Variants in PIK3R5 observed in about 807,000 individuals in gnomAD.
The protein encoded by PIK3R5 is phosphoinositide-3-kinase regulatory subunit 5.
PIK3R5 carries 32 observed loss-of-function variants against 94.9 expected under a neutral mutation model. The ratio of observed to expected loss-of-function variants is 0.34; its 90% CI spans 0.25 to 0.45. The LOEUF (loss-of-function observed/expected upper bound fraction) is 0.45. Among genes scored for constraint, PIK3R5 ranks in the 20% least tolerant of loss-of-function variants. The pLI, the probability that PIK3R5 is intolerant of heterozygous loss-of-function variation, is 1.00. For synonymous variants in PIK3R5, 443 were observed against 479.4 expected, an observed-to-expected ratio of 0.92 and a Z score of 0.99; for missense variants, 853 against 1,144.6, an observed-to-expected ratio of 0.75 and a Z score of 3.68.
Position 8,887,539 on chromosome 17 carries a change from A to C in PIK3R5, c.1761T>G (p.Pro587=). The C allele has an allele frequency of 6.2e-7, 1 of 1,607,268 alleles. No homozygotes were observed. The highest frequency in any genetic ancestry group is 8.5e-7 in the Non-Finnish European group (1 of 1,177,182). ...GACATACTCCAGGGCTGGCGTGCCT[A>C]GGGGAGTCTGTCGGGGGTGAGGGCG... ...SQTPSPPTDS[P]RHASPGELGT... is the part of the protein sequence containing the mutation. Residue 587 remains proline, a synonymous_variant, in exon 11 of 19, where the codon CCT becomes CCG. Transcript: ENST00000447110.
chr17:8,885,354 CACCTTCCCATGGCCCT>C, intron 14 of PIK3R5, among the ~76,000 whole-genome samples: 1 of 148,716 alleles, frequency 6.7e-6, no homozygotes, highest in Middle Eastern at 3.8e-3. Flanking sequence ...TGGGTAACTC[CACCTTCCCATGGCCCT>C]GCCTCCCGGT....
At chr17:8,883,623 C>T (rs1230851781) in intron 15 of PIK3R5, among the ~76,000 whole-genome samples, 2 of 152,210 alleles carry the variant, frequency 1.3e-5, no homozygotes, top group Non-Finnish European at 2.9e-5. Flanking sequence ...GTTTTCCCTC[C>T]AATATTAACT....
chr17:8,946,013 G>C lies in PIK3R5; in HGVS notation c.-14+19583C>G, dbSNP rs570687457. Among the ~76,000 whole-genome samples, 5 of 152,284 alleles carry C rather than the reference G, an allele frequency of 3.3e-5. No individual in the cohort carries two copies. In the South Asian group the frequency reaches 8.3e-4, roughly 25 times the overall value. Reference sequence around the variant, plus strand: ...TCATTTACAGTTTCAGTTACCAGCCGTTTGATCTTCCCAGCTGAGACCCCA... The same window carrying C: ...TCATTTACAGTTTCAGTTACCAGCCCTTTGATCTTCCCAGCTGAGACCCCA... On this transcript the variant is annotated intron_variant, in intron 1 of 18. Transcript: ENST00000447110.
In PIK3R5 at chr17:8,911,556, G is replaced by C; in HGVS notation, c.-13-49C>G. 7.9e-7 allele frequency: 1 copy of C among 1,259,328 alleles called. No homozygotes were observed. The highest frequency in any genetic ancestry group is 1.1e-6 in the Non-Finnish European group (1 of 882,994). The allele number at this position is 1,259,328 out of a possible 1,614,324, so 78.0% of individuals were successfully genotyped here. ...CAGCTTGTCGAGCTCCTTTCCCAGA[G>C]AGCACCTGGTCCAGTAAAGACAACA... On this transcript the variant is annotated intron_variant, in intron 1 of 18. Transcript: ENST00000447110. The surrounding 1 kb of genome is among the most constrained non-coding windows in gnomAD (Gnocchi z 5.3).
At chr17:8,920,336 C>A (rs62067974) in intron 1 of PIK3R5, among the ~76,000 whole-genome samples, 41,711 of 152,132 alleles carry the variant, frequency 0.27, 6,557 homozygotes, top group Non-Finnish European at 0.35. Flanking sequence ...CATACACACA[C>A]ACATTTGACT....
chr17:8,948,578 T>A (rs2151468300), intron 1 of PIK3R5, among the ~76,000 whole-genome samples: 1 of 152,174 alleles, frequency 6.6e-6, no homozygotes, highest in Admixed American at 6.5e-5. Flanking sequence ...TCCGCTTCAT[T>A]AGTCAGAAGG....
rs1273844465 is a variant in PIK3R5 at position 8,955,855 on chromosome 17, G to T, written c.-14+9741C>A. Among the ~76,000 whole-genome samples, 18 of 152,142 alleles carry T rather than the reference G, an allele frequency of 1.2e-4. No homozygotes were observed. Among genetic ancestry groups the T allele is most frequent in the Admixed American group, 1.2e-3 (18 of 15,280 alleles). ...GCCTGCTTTGTGGATGCAGAGTTGG[G>T]CTCTGGATATTGCTCAAGTTGAAAT... On this transcript the variant is annotated intron_variant, in intron 1 of 18. Transcript: ENST00000447110. The surrounding 1 kb of genome is among the most constrained non-coding windows in gnomAD (Gnocchi z 4.4).
chr17:8,964,683 C>T (rs148176453), intron 1 of PIK3R5, among the ~76,000 whole-genome samples: 57 of 152,304 alleles, frequency 3.7e-4, no homozygotes, highest in Middle Eastern at 3.4e-3. Flanking sequence ...CTGCAGTCAG[C>T]TCTGGGAGCC....
Position 8,880,791 on chromosome 17 carries a change from G to A in PIK3R5, c.2496-5C>T. ...TAGCACGGTGAGACCTCACATCTGT[G>A]CAGCAGGGCAGGGGCCAGGGATCAG... On this transcript the variant is annotated splice_polypyrimidine_tract_variant and splice_region_variant and intron_variant, in intron 18 of 18. Coordinates refer to ENST00000447110, the MANE Select transcript of PIK3R5 (RefSeq NM_001142633.3). 1 of 1,613,164 alleles carries A rather than the reference G, an allele frequency of 6.2e-7. No homozygotes were observed. Among genetic ancestry groups the A allele is most frequent in the Non-Finnish European group, 8.5e-7 (1 of 1,179,348 alleles).
rs748278388 is a variant in PIK3R5, at chr17:8,882,882, C to G, written c.2206-1001G>C. 9.8e-6 allele frequency among the ~76,000 whole-genome samples: 1 copy of G among 101,656 alleles called. No homozygotes were observed. The highest frequency in any genetic ancestry group is 6.1e-5 in the African/African-American group (1 of 16,296). The allele number at this position is 101,656 out of a possible 152,430, so 66.7% of individuals were successfully genotyped here. On this transcript the variant is annotated intron_variant, in intron 15 of 18. Transcript: ENST00000447110. This position sits in a 1 kb window ranked among gnomAD's most constrained non-coding sequence, Gnocchi z 4.1. Reference sequence around the variant, plus strand: ...CTAGTGCAGGCTGCTGCCCTAATTTCTCTTCTGGACCATGGCAACAGCCTC... The same window carrying G: ...CTAGTGCAGGCTGCTGCCCTAATTTGTCTTCTGGACCATGGCAACAGCCTC...
At chr17:8,903,034 G>A (rs1425586174) in intron 5 of PIK3R5, among the ~76,000 whole-genome samples, 1 of 151,736 alleles carries the variant, frequency 6.6e-6, no homozygotes, top group Admixed American at 6.6e-5. Context: ...TAGTAGAGAT[G>A]GGGTTTCACC....
Position 8,925,923 on chromosome 17 carries a change from G to A in PIK3R5, c.-13-14416C>T, listed in dbSNP as rs943101369. ...GTTCTATCCCCTTCAGACCCCAATG[G>A]AGAGGTCTGGGCTACAGCTCTCTAT... is the stretch of plus-strand genomic sequence containing the variant. On this transcript the variant is annotated intron_variant, in intron 1 of 18. Transcript: ENST00000447110. This position sits in a 1 kb window ranked among gnomAD's most constrained non-coding sequence, Gnocchi z 5.1. Among the ~76,000 whole-genome samples, 1 of 152,224 alleles carries A rather than the reference G, an allele frequency of 6.6e-6. No individual in the cohort carries two copies. The highest frequency in any genetic ancestry group is 1.5e-5 in the Non-Finnish European group (1 of 68,038).
intron 5 of PIK3R5, among the ~76,000 whole-genome samples, chr17:8,900,935 C>T (rs1297083946): frequency 1.3e-5 from 2 of 152,146 alleles, no homozygotes; most frequent in African/African-American, 4.8e-5. Flanking sequence ...ACTCTCTTAT[C>T]CTTTTCAAAA....
chr17:8,917,109 A>G (rs1221081181), intron 1 of PIK3R5, among the ~76,000 whole-genome samples: 18 of 152,162 alleles, frequency 1.2e-4, no homozygotes, highest in Non-Finnish European at 2.9e-5. Context: ...TGACCTAAGT[A>G]AAAGAATTCT....
chr17:8,951,189 A>G (rs374789420), intron 1 of PIK3R5, among the ~76,000 whole-genome samples: 2 of 152,070 alleles, frequency 1.3e-5, no homozygotes, highest in African/African-American at 4.8e-5. Flanking sequence ...TTCCTTATAG[A>G]CTCTGGATAT....
Position 8,909,296 on chromosome 17 carries a change from C to CTTT in PIK3R5, c.104-125_104-123dup. On this transcript the variant is annotated intron_variant, in intron 2 of 18. Transcript: ENST00000447110. This position sits in a 1 kb window ranked among gnomAD's most constrained non-coding sequence, Gnocchi z 4.3. ...TTCTGTGGTATTGCACTGGAACACT[C>CTTT]TTTTTTTTTTTTGAGACAGAGTCTT... 4 of 498,142 alleles carry CTTT rather than the reference C, an allele frequency of 8.0e-6. No individual in the cohort carries two copies. Among genetic ancestry groups the CTTT allele is most frequent in the Admixed American group, 3.2e-5 (1 of 31,704 alleles). The allele number at this position is 498,142 out of a possible 1,614,324, so 30.9% of individuals were successfully genotyped here. A position where few individuals can be genotyped will look rare whatever the true frequency, so the allele number is the denominator to read the frequency against.
At chr17:8,944,574 T>C (rs779629009) in intron 1 of PIK3R5, among the ~76,000 whole-genome samples, 1 of 152,250 alleles carries the variant, frequency 6.6e-6, no homozygotes, top group Non-Finnish European at 1.5e-5. Context: ...TCTGGAATGA[T>C]GAGGTTGTGT....
chr17:8,919,395 G>C (rs1045189568), intron 1 of PIK3R5, among the ~76,000 whole-genome samples: 9 of 152,246 alleles, frequency 5.9e-5, no homozygotes, highest in Non-Finnish European at 1.2e-4. Context: ...TGAGCTTCTT[G>C]AACATTGCTA....
chr17:8,912,766 A>C (rs1166764937), intron 1 of PIK3R5, among the ~76,000 whole-genome samples: 1 of 152,256 alleles, frequency 6.6e-6, no homozygotes. Flanking sequence ...GCGCGGCTAG[A>C]GTATTCAGCT....
Sources: gnomAD v4.1 joint callset for allele counts (sites outside exome capture counted in the v4.1 genomes callset) on GRCh38, gnomAD v4.1.1 for gene constraint, Gnocchi (gnomAD v3.1) non-coding constraint, MANE v1.5 for transcripts, NCBI Gene and HGNC (gene_info 2026-07-23, HGNC 2026-07-21) for gene names.